NEK6: variants seen among roughly 807,000 people sequenced by gnomAD.
NEK6 encodes the protein serine/threonine-protein kinase Nek6.
Under a neutral mutation model 43.5 loss-of-function variants are expected in NEK6, and 27 were observed. That is an observed-to-expected ratio of 0.62 (90% CI 0.46 to 0.86). The LOEUF is 0.86. Ranked by LOEUF, NEK6 falls within the 40% of genes least tolerant of loss-of-function variation. NEK6 has a pLI of 0.00. For missense variants in NEK6, 318 were observed against 414.4 expected (o/e 0.77, Z 2.02); for synonymous variants, 167 against 164.1 (o/e 1.02, Z -0.14).
At chr9:124,338,993 A>AC (rs1829435327) in intron 7 of NEK6, among the ~76,000 whole-genome samples, 1 of 138,052 alleles carries the variant, frequency 7.2e-6, no homozygotes, top group Non-Finnish European at 1.6e-5. Context: ...AGAAACACCA[A>AC]CCCCCAGCTC....
rs531741253 is a variant in NEK6, at chr9:124,261,920, G to A, written c.-30+3835G>A. Among the ~76,000 whole-genome samples the A allele has an allele frequency of 1.2e-4, 18 of 152,136 alleles. No individual in the cohort carries two copies. The South Asian group carries it at 3.5e-3, about 30-fold the overall frequency. On this transcript the variant is annotated intron_variant, in intron 1 of 9. Transcript: ENST00000320246. ...TTCTCCCGTCTGGCCTGTGATTTGG[G>A]GAGGTAAAAATAGTCCTTTTTTCCA...
intron 2 of NEK6, among the ~76,000 whole-genome samples, chr9:124,309,136 G>A (rs1205717359): frequency 1.3e-5 from 2 of 152,200 alleles, no homozygotes; most frequent in Non-Finnish European, 2.9e-5. Context: ...ACAGCGTCCT[G>A]TGGCAGCCCT....
Position 124,307,682 on chromosome 9 carries a change from C to T in NEK6, c.91-4827C>T, listed in dbSNP as rs112901517. The stretch of plus-strand genomic sequence containing the variant: ...GAGCCTGAGGAGTCAGAGGTGGCCT[C>T]CTATGGTGTTGCCCCACAGCGCAGC... On this transcript the variant is annotated intron_variant, in intron 2 of 9. Transcript: ENST00000320246. 5.6e-3 allele frequency among the ~76,000 whole-genome samples: 860 copies of T among 152,316 alleles called. 4 individuals are homozygous for T. The highest frequency in any genetic ancestry group is 0.019 in the African/African-American group (794 of 41,566).
chr9:124,330,886 G>T (rs998815177), intron 7 of NEK6, among the ~76,000 whole-genome samples: 3 of 152,094 alleles, frequency 2.0e-5, no homozygotes, highest in Non-Finnish European at 4.4e-5. Context: ...TCCCAGAGCC[G>T]CCCTCACTTC....
chr9:124,345,010 G>A (rs1379112827), intron 8 of NEK6, among the ~76,000 whole-genome samples: 1 of 152,242 alleles, frequency 6.6e-6, no homozygotes, highest in African/African-American at 2.4e-5. Context: ...CTGACAGGCA[G>A]GAGTCAGATT....
At chr9:124,280,423 C>A (rs190922890) in intron 1 of NEK6, among the ~76,000 whole-genome samples, 2 of 152,218 alleles carry the variant, frequency 1.3e-5, no homozygotes, top group Admixed American at 6.5e-5. Flanking sequence ...CTGTCCCAGC[C>A]GAGCACTCCA....
intron 1 of NEK6, among the ~76,000 whole-genome samples, chr9:124,281,382 C>T (rs977915604): frequency 1.3e-5 from 2 of 152,152 alleles, no homozygotes; most frequent in Non-Finnish European, 2.9e-5. Context: ...AAATCCCAGA[C>T]CCAGGCCAGG....
chr9:124,318,132 T>C (rs1833908819), intron 4 of NEK6, among the ~76,000 whole-genome samples: 1 of 152,258 alleles, frequency 6.6e-6, no homozygotes, highest in South Asian at 2.1e-4. Context: ...CAAATTTACA[T>C]TCCTACCAAA....
chr9:124,349,115 C>T (rs1355731123), intron 9 of NEK6, among the ~76,000 whole-genome samples: 2 of 152,250 alleles, frequency 1.3e-5, no homozygotes, highest in Non-Finnish European at 2.9e-5. Context: ...TGCTTGCTGG[C>T]GTTGCAGACT....
At position 124,326,576 on chromosome 9, in the gene NEK6, C is replaced by A; in HGVS notation, c.514+138C>A. On this transcript the variant is annotated intron_variant, in intron 6 of 9. Coordinates refer to ENST00000320246, the MANE Select transcript of NEK6 (RefSeq NM_014397.6). This position sits in a 1 kb window ranked among gnomAD's most constrained non-coding sequence, Gnocchi z 4.5. ...TGTATTCCCCAGGCAAGGGGGCTGC[C>A]CAGCAACCGCGCACACACACGCGCC... The A allele has an allele frequency of 1.5e-6, 1 of 647,220 alleles. No individual in the cohort carries two copies. The highest frequency in any genetic ancestry group is 2.7e-5 in the East Asian group (1 of 36,508). The allele number at this position is 647,220 out of a possible 1,614,324, so 40.1% of individuals were successfully genotyped here. A position where few individuals can be genotyped will look rare whatever the true frequency, so the allele number is the denominator to read the frequency against.
intron 1 of NEK6, among the ~76,000 whole-genome samples, chr9:124,269,218 A>C (rs936476396): frequency 1.3e-5 from 2 of 152,204 alleles, no homozygotes; most frequent in South Asian, 2.1e-4. Flanking sequence ...GGTCCACCCC[A>C]GACCCCACAG....
Position 124,350,956 on chromosome 9 carries a change from G to C in NEK6, c.*9G>C. On this transcript the variant is annotated 3_prime_UTR_variant, in exon 10 of 10. Coordinates refer to ENST00000320246, the MANE Select transcript of NEK6 (RefSeq NM_014397.6). ...GGATGTCCAGCACCTGAGCGTGGAT[G>C]CACCGTGCCTTATCAAAGCCAGCAC... 6.3e-7 allele frequency: 1 copy of C among 1,593,124 alleles called. No homozygotes were observed. Among genetic ancestry groups the C allele is most frequent in the African/African-American group, 1.3e-5 (1 of 74,784 alleles).
Position 124,275,481 on chromosome 9 carries a change from C to G in NEK6, c.-30+17396C>G, listed in dbSNP as rs1272420651. ...CTGCCCCCGCCTGCCGGGCCCTGTC[C>G]TCTGCCAGGCGGAGCTCCTGGTTCT... On this transcript the variant is annotated intron_variant, in intron 1 of 9. Transcript: ENST00000320246. This position sits in a 1 kb window ranked among gnomAD's most constrained non-coding sequence, Gnocchi z 4.4. Among the ~76,000 whole-genome samples the G allele has an allele frequency of 6.6e-6, 1 of 152,226 alleles. No individual in the cohort carries two copies. Among genetic ancestry groups the G allele is most frequent in the Admixed American group, 6.5e-5 (1 of 15,286 alleles).
intron 7 of NEK6, among the ~76,000 whole-genome samples, chr9:124,336,977 CAGAGCG>C (rs1829328445): frequency 6.9e-6 from 1 of 144,600 alleles, no homozygotes; most frequent in South Asian, 2.3e-4. Flanking sequence ...GCCTGGGCGA[CAGAGCG>C]AGACTCTGTC....
At chr9:124,310,153 C>G (rs965663526) in intron 2 of NEK6, among the ~76,000 whole-genome samples, 1 of 152,226 alleles carries the variant, frequency 6.6e-6, no homozygotes, top group Non-Finnish European at 1.5e-5. Flanking sequence ...GGGTCACACC[C>G]CAGCTCTGCT....
intron 1 of NEK6, among the ~76,000 whole-genome samples, chr9:124,277,785 A>G (rs541603461): frequency 6.6e-6 from 1 of 152,190 alleles, no homozygotes; most frequent in Non-Finnish European, 1.5e-5. Context: ...GGCCCCATCC[A>G]GGCAGGTCGG....
intron 7 of NEK6, among the ~76,000 whole-genome samples, chr9:124,336,988 T>A (rs1477289117): frequency 8.9e-6 from 1 of 112,216 alleles, no homozygotes; most frequent in Non-Finnish European, 1.9e-5. Flanking sequence ...AGAGCGAGAC[T>A]CTGTCTCAAA....
chr9:124,266,765 T>G (rs1018030967), intron 1 of NEK6, among the ~76,000 whole-genome samples: 3 of 152,232 alleles, frequency 2.0e-5, no homozygotes, highest in Non-Finnish European at 2.9e-5. Flanking sequence ...GGCCGGATCC[T>G]TGGAGAATGT....
intron 1 of NEK6, among the ~76,000 whole-genome samples, chr9:124,263,456 G>A (rs1254041757): frequency 2.0e-5 from 3 of 152,212 alleles, no homozygotes; most frequent in African/African-American, 7.2e-5. Flanking sequence ...TCATCATCTG[G>A]AAAACAGGGA....
Sources: allele counts gnomAD v4.1 joint callset (sites outside exome capture counted in the v4.1 genomes callset), GRCh38; gene constraint gnomAD v4.1.1; non-coding constraint Gnocchi (gnomAD v3.1); transcripts MANE v1.5; gene names NCBI Gene and HGNC (gene_info 2026-07-23, HGNC 2026-07-21).